Variants in CHIT1 observed in about 807,000 individuals in gnomAD.
The protein encoded by CHIT1 is chitinase 1.
In CHIT1, 47 loss-of-function variants were observed where a neutral mutation model predicts 52.0. The observed-to-expected ratio is 0.90, with a 90% CI of 0.71 to 1.15. The LOEUF is 1.15. Ranked by LOEUF, CHIT1 falls within the 50% of genes most tolerant of loss-of-function variation. The pLI is 0.00. For missense variants in CHIT1, 569 were observed against 583.0 expected, an observed-to-expected ratio of 0.98 and a Z score of 0.25; for synonymous variants, 242 against 228.2, an observed-to-expected ratio of 1.06 and a Z score of -0.54.
At chr1:203,222,487 G>A (rs1656775641) in intron 6 of CHIT1, among the ~76,000 whole-genome samples, 162 bp from the exon 7 acceptor site, 1 of 152,190 alleles carries the variant, frequency 6.6e-6, no homozygotes, top group Non-Finnish European at 1.5e-5. Flanking sequence ...GACCCAGACA[G>A]CAGTCCCAGC....
chr1:203,227,566 G>T (rs1012588510), intron 2 of CHIT1, among the ~76,000 whole-genome samples: 24 of 152,164 alleles, frequency 1.6e-4, no homozygotes, highest in Admixed American at 1.4e-3. Context: ...TGTGTGAAAC[G>T]GGGAGACCAT....
In CHIT1 at chr1:203,216,784, G is replaced by T; in HGVS notation, c.*105C>A. ...CCTGGATAAAGGAAGACCACAGAAA[G>T]GCCTGCAGGAGCCAGATTGCGGCCC... On this transcript the variant is annotated 3_prime_UTR_variant, in exon 11 of 11. Transcript: ENST00000367229. The T allele has an allele frequency of 1.4e-6, 2 of 1,468,690 alleles. No individual in the cohort carries two copies. Among genetic ancestry groups the T allele is most frequent in the Non-Finnish European group, 1.9e-6 (2 of 1,052,478 alleles). The allele number at this position is 1,468,690 out of a possible 1,614,324, so 91.0% of individuals were successfully genotyped here.
intron 6 of CHIT1, 143 bp downstream of exon 6, chr1:203,222,992 T>C: frequency 8.9e-7 from 1 of 1,125,380 alleles, no homozygotes; most frequent in Non-Finnish European, 1.3e-6. Flanking sequence ...GCAGGGAATT[T>C]TCTGCTTTTG....
At chr1:203,225,347 A>T (rs1306154905) in intron 3 of CHIT1, among the ~76,000 whole-genome samples, 2 of 152,100 alleles carry the variant, frequency 1.3e-5, no homozygotes, top group Non-Finnish European at 2.9e-5. Flanking sequence ...GATTCTCAAG[A>T]GGCTTTGTGA....
chr1:203,219,965 C>T (rs76499133), intron 7 of CHIT1, 116 bp from the exon 8 acceptor site: 46,393 of 1,286,352 alleles, frequency 0.036, 1,089 homozygotes, highest in Non-Finnish European at 0.043. Context: ...TGGAGCTCTA[C>T]GGGCCTTTGT....
In CHIT1 at chr1:203,217,827, CAT is replaced by C. The variant is rs1160431368; in HGVS notation, c.1066_1067del (p.Met356GlyfsTer8). The C allele has an allele frequency of 6.2e-7, 1 of 1,613,994 alleles. No individual in the cohort carries two copies. The highest frequency in any genetic ancestry group is 1.3e-5 in the African/African-American group (1 of 74,946). ...AGTCATCTAAGTCCAGTGCCCAGAC[CAT>C]GGCCCCGCCCAGTCCCTTCTGCTTC... ...YLKQKGLGGA[M>X]VWALDLDDFA... On this transcript the variant is annotated frameshift_variant, in exon 10 of 11. Coordinates refer to ENST00000367229, the MANE Select transcript of CHIT1 (RefSeq NM_003465.3). LOFTEE classifies it high-confidence loss of function.
Position 203,216,112 on chromosome 1 carries a change from C to A in CHIT1, c.*777G>T, listed in dbSNP as rs1295922409. Reference sequence around the variant, plus strand: ...GGATGACTTTATTTAACCAGGACACCGTGTGCATGCTCTCTGGCCCATTTC... The same window carrying A: ...GGATGACTTTATTTAACCAGGACACAGTGTGCATGCTCTCTGGCCCATTTC... On this transcript the variant is annotated 3_prime_UTR_variant, in exon 11 of 11. Coordinates refer to ENST00000367229, the MANE Select transcript of CHIT1 (RefSeq NM_003465.3). 6.6e-6 allele frequency: 3 copies of A among 453,954 alleles called. No homozygotes were observed. Among genetic ancestry groups the A allele is most frequent in the Admixed American group, 4.7e-5 (2 of 42,558 alleles). 28.1% of individuals were successfully genotyped at this position (453,954 alleles called of 1,614,324 possible). A position where few individuals can be genotyped will look rare whatever the true frequency, so the allele number is the denominator to read the frequency against.
At chr1:203,223,002 G>T in intron 6 of CHIT1, 133 bp downstream of exon 6, 1 of 1,237,014 alleles carries the variant, frequency 8.1e-7, no homozygotes, top group Non-Finnish European at 1.2e-6. Context: ...TTCTGCTTTT[G>T]TTCTGGTGTA....
At position 203,225,688 on chromosome 1, in the gene CHIT1, ACTC is replaced by A. The variant is rs1558162809; in HGVS notation, c.235_237del (p.Glu79del). 6.2e-7 allele frequency: 1 copy of A among 1,613,522 alleles called. No homozygotes were observed. Among genetic ancestry groups the A allele is most frequent in the South Asian group, 1.1e-5 (1 of 91,048 alleles). On this transcript the variant is annotated inframe_deletion, in exon 3 of 11. Coordinates refer to ENST00000367229, the MANE Select transcript of CHIT1 (RefSeq NM_003465.3). ...GCTCACATCTTCTTCAGGCCATTGA[ACTC>A]CTGGTAGAGAGTCTCGTCATTCCAC...
At position 203,223,530 on chromosome 1, in the gene CHIT1, C is replaced by A. The variant is rs117678693; in HGVS notation, c.445G>T (p.Ala149Ser). 1.4e-3 allele frequency: 2,338 copies of A among 1,614,218 alleles called. 30 individuals are homozygous for A. In the East Asian group the frequency reaches 0.027, roughly 19 times the overall value. ...GTTGTGAAGCGCTCCTTGTCTACGG[C>A]AGGGCTCCCCTGGCTTCCTGGGTAC... ...WEYPGSQGSP[A>S]VDKERFTTLV... Residue 149 changes from alanine (A) to serine (S), a missense_variant, in exon 5 of 11, where the codon GCC becomes TCC. Coordinates refer to ENST00000367229, the MANE Select transcript of CHIT1 (RefSeq NM_003465.3).
At chr1:203,221,309 C>T (rs368775728) in intron 7 of CHIT1, among the ~76,000 whole-genome samples, 1 of 152,256 alleles carries the variant, frequency 6.6e-6, no homozygotes, top group Non-Finnish European at 1.5e-5. Flanking sequence ...TATAAACCCT[C>T]TCTATATTTT....
At position 203,225,735 on chromosome 1, in the gene CHIT1, T is replaced by C. The variant is rs1362028418; in HGVS notation, c.191A>G (p.His64Arg). Residue 64 changes from histidine (H) to arginine (R), a missense_variant, in exon 3 of 11, where the codon CAC becomes CGC. Physicochemically the swap from His to Arg is conservative, Grantham distance 29. Coordinates refer to ENST00000367229, the MANE Select transcript of CHIT1 (RefSeq NM_003465.3). Reference protein sequence around the residue: ...LIYAFAGMTNHQLSTTEWNDE... With the variant: ...LIYAFAGMTNRQLSTTEWNDE... ...ATTCCACTCAGTGGTGCTCAGCTGG[T>C]GGTTGGTCATGCCAGCGAAGGCGTA... 1.9e-6 allele frequency: 3 copies of C among 1,613,872 alleles called. No homozygotes were observed. The Admixed American group carries it at 5.0e-5, about 27-fold the overall frequency.
Position 203,223,191 on chromosome 1 carries a change from C to T in CHIT1, c.549G>A (p.Ala183=), listed in dbSNP as rs371464440. 1.6e-4 allele frequency: 253 copies of T among 1,614,202 alleles called. No individual in the cohort carries two copies. Among genetic ancestry groups the T allele is most frequent in the Non-Finnish European group, 2.0e-4 (233 of 1,180,038 alleles). The part of the protein sequence containing the change: ...SGKERLLLSA[A]VPAGQTYVDA... ...CCACATAGGTCTGCCCAGCTGGAACCGCTGCACTCAGAAGAAGGCGTTCCT... is the reference window on the plus strand; with the variant it reads ...CCACATAGGTCTGCCCAGCTGGAACTGCTGCACTCAGAAGAAGGCGTTCCT... Residue 183 remains alanine (A), a synonymous_variant, in exon 6 of 11, where the codon GCG becomes GCA. Transcript: ENST00000367229.
chr1:203,216,690 T>A lies in CHIT1; in HGVS notation c.*199A>T, dbSNP rs1656541009. The A allele has an allele frequency of 1.4e-6, 1 of 715,872 alleles. No individual in the cohort carries two copies. The highest frequency in any genetic ancestry group is 1.7e-5 in the African/African-American group (1 of 57,380). The allele number at this position is 715,872 out of a possible 1,614,324, so 44.3% of individuals were successfully genotyped here. ...GGGAAGAGGGGCACAAACCAAAGAT[T>A]TATTTTGCAAGTGAAAGGGGCAGCC... On this transcript the variant is annotated 3_prime_UTR_variant, in exon 11 of 11. Transcript: ENST00000367229.
intron 2 of CHIT1, among the ~76,000 whole-genome samples, chr1:203,227,297 G>A (rs1438232156): frequency 2.0e-5 from 3 of 152,284 alleles, no homozygotes; most frequent in South Asian, 2.1e-4. Context: ...CAATGATACA[G>A]GAGAATTGGT....
intron 10 of CHIT1, 145 bp downstream of exon 10, chr1:203,217,594 C>T (rs760573607): frequency 4.7e-5 from 63 of 1,353,386 alleles, no homozygotes; most frequent in Non-Finnish European, 5.6e-5. Context: ...TTAGCTCCTG[C>T]GGGTACATGA....
At chr1:203,223,315 T>C in intron 5 of CHIT1, 56 bp from the exon 6 acceptor site, 1 of 1,604,832 alleles carries the variant, frequency 6.2e-7, no homozygotes, top group Middle Eastern at 1.7e-4. Context: ...AGGCAGCCCC[T>C]GTGAGCCCCA....
Position 203,225,115 on chromosome 1 carries a change from C to T in CHIT1, c.258-11G>A, listed in dbSNP as rs369336966. 9 of 1,613,698 alleles carry T rather than the reference C, an allele frequency of 5.6e-6. No individual in the cohort carries two copies. The Admixed American group carries it at 8.3e-5, about 15-fold the overall frequency. On this transcript the variant is annotated splice_polypyrimidine_tract_variant and intron_variant, in intron 3 of 10. Transcript: ENST00000367229. The stretch of plus-strand genomic sequence containing the variant: ...TTCAGCTTGGGATTCCTGGGAAAGA[C>T]AGGAGACACAGCAGGATTTACTCTG...
Position 203,216,928 on chromosome 1 carries a change from C to G in CHIT1, c.1362G>C (p.Leu454=). Residue 454 remains leucine (L), a synonymous_variant, in exon 11 of 11, where the codon CTG becomes CTC. Transcript: ENST00000367229. The part of the protein sequence containing the change: ...RLFQQSCPTG[L]VFSNSCKCCT... ...AGCATTTGCAGGAGTTGCTGAACAC[C>G]AGGCCTGTCGGGCAGCTTTGCTGGA... 1 of 1,614,202 alleles carries G rather than the reference C, an allele frequency of 6.2e-7. No homozygotes were observed. Among genetic ancestry groups the G allele is most frequent in the Middle Eastern group, 1.7e-4 (1 of 6,058 alleles).
Sources: gnomAD v4.1 joint callset for allele counts (sites outside exome capture counted in the v4.1 genomes callset) on GRCh38, gnomAD v4.1.1 for gene constraint, MANE v1.5 for transcripts, NCBI Gene and HGNC (gene_info 2026-07-23, HGNC 2026-07-21) for gene names.